The following THOP1 variants were observed in gnomAD, a reference collection of about 807,000 sequenced individuals.
The protein encoded by THOP1 is thimet oligopeptidase.
THOP1 carries 49 observed loss-of-function variants against 71.8 expected under a neutral mutation model. The observed-to-expected ratio is 0.68, with a 90% CI of 0.54 to 0.87. The LOEUF is 0.87. Among genes scored for constraint, THOP1 ranks in the 40% least tolerant of loss-of-function variants. The pLI is 0.00. For missense variants in THOP1, 843 were observed against 975.6 expected, an observed-to-expected ratio of 0.86 and a Z score of 1.81; for synonymous variants, 426 against 421.5, an observed-to-expected ratio of 1.01 and a Z score of -0.13.
At chr19:2,810,794 C>T (rs1262801406) in intron 11 of THOP1, 26 bp downstream of exon 11, 1 of 1,590,700 alleles carries the variant, frequency 6.3e-7, no homozygotes, top group South Asian at 1.1e-5. Flanking sequence ...CCGGGCACAC[C>T]CTGGAATTTG....
intron 12 of THOP1, 61 bp from the exon 13 acceptor site, chr19:2,813,054 G>T: frequency 1.3e-6 from 2 of 1,529,002 alleles, no homozygotes; most frequent in East Asian, 2.4e-5. Context: ...GCAGACTCCT[G>T]GGGTCCTCTG....
chr19:2,806,685 G>C lies in THOP1; in HGVS notation c.751-232G>C, dbSNP rs564901532. On this transcript the variant is annotated intron_variant, in intron 6 of 12. Transcript: ENST00000307741. ...GCCCCTGGTCCCCATACCACGTTCC[G>C]TGTGAGGCCTTAGAGTCATCTGCAC... 4 of 620,976 alleles carry C rather than the reference G, an allele frequency of 6.4e-6. 1 individual carries two copies. Among genetic ancestry groups the C allele is most frequent in the African/African-American group, 3.7e-5 (2 of 53,352 alleles). 38.5% of individuals were successfully genotyped at this position (620,976 alleles called of 1,614,324 possible).
chr19:2,803,418 T>A (rs533871391), intron 5 of THOP1, among the ~76,000 whole-genome samples: 53 of 152,294 alleles, frequency 3.5e-4, no homozygotes, highest in African/African-American at 1.3e-3. Flanking sequence ...ACAGTGAACG[T>A]GAACTATGCA....
chr19:2,785,794 C>G, intron 1 of THOP1, 116 bp downstream of exon 1: 1 of 1,034,556 alleles, frequency 9.7e-7, no homozygotes, highest in East Asian at 3.2e-5. Context: ...CTCGGCCGGG[C>G]TGGAGGGGCA....
At position 2,813,290 on chromosome 19, in the gene THOP1, GA is replaced by G. The variant is rs1916532092; in HGVS notation, c.*15del. On this transcript the variant is annotated 3_prime_UTR_variant, in exon 13 of 13. Transcript: ENST00000307741. ...CAGGTCTGCTGAGGCCTGGCACTGC[GA>G]CTGCCCAGTCTGGCCTGCGCTCCCG... is the stretch of plus-strand genomic sequence containing the variant. 1 of 1,601,954 alleles carries G rather than the reference GA, an allele frequency of 6.2e-7. No homozygotes were observed.
rs550767741 is a variant in THOP1, at chr19:2,786,765, A to ATT, written c.16+1101_16+1102dup. Among the ~76,000 whole-genome samples, 12 of 101,186 alleles carry ATT rather than the reference A, an allele frequency of 1.2e-4. 1 individual carries two copies. The highest frequency in any genetic ancestry group is 3.7e-4 in the African/African-American group (7 of 19,160). The allele number at this position is 101,186 out of a possible 152,430, so 66.4% of individuals were successfully genotyped here. The stretch of plus-strand genomic sequence containing the variant: ...AGGCGCCCACCACCACACCTGGCTA[A>ATT]TTTTTTTTTTTTTTTGGAGATAGAG... On this transcript the variant is annotated intron_variant, in intron 1 of 12. Transcript: ENST00000307741.
At chr19:2,791,959 AGCCGGCCCCTCGCGCCCCTC>A (rs1299022837) in intron 2 of THOP1, among the ~76,000 whole-genome samples, 6 of 152,062 alleles carry the variant, frequency 3.9e-5, no homozygotes, top group Middle Eastern at 3.2e-3. Flanking sequence ...GGGCCTCTCC[AGCCGGCCCCTCGCGCCCCTC>A]GCCCTGTGCT....
rs980581687 is a variant in THOP1, at chr19:2,804,185, C to T, written c.590-831C>T. Reference sequence around the variant, plus strand: ...GAGGCACGGTGGCCCTGGCGTCTCCCGAGCCATGAGGTAGGAACCCCAGAG... The same window carrying T: ...GAGGCACGGTGGCCCTGGCGTCTCCTGAGCCATGAGGTAGGAACCCCAGAG... On this transcript the variant is annotated intron_variant, in intron 5 of 12. Transcript: ENST00000307741. This position sits in a 1 kb window ranked among gnomAD's most constrained non-coding sequence, Gnocchi z 4.7. Among the ~76,000 whole-genome samples the T allele has an allele frequency of 7.2e-5, 11 of 152,154 alleles. No homozygotes were observed. Among genetic ancestry groups the T allele is most frequent in the African/African-American group, 2.4e-4 (10 of 41,434 alleles).
Position 2,792,634 on chromosome 19 carries a change from T to C in THOP1, c.229+2001T>C, listed in dbSNP as rs548213408. 2.6e-5 allele frequency among the ~76,000 whole-genome samples: 4 copies of C among 152,008 alleles called. No individual in the cohort carries two copies. In the South Asian group the frequency reaches 8.3e-4, roughly 32 times the overall value. On this transcript the variant is annotated intron_variant, in intron 2 of 12. Coordinates refer to ENST00000307741, the MANE Select transcript of THOP1 (RefSeq NM_003249.5). ...ATATGCTTTTTTTTAAAAAAAATTA[T>C]TATTATTAGGGTTTTTTTTTGTTTG...
intron 4 of THOP1, among the ~76,000 whole-genome samples, chr19:2,798,579 G>T (rs1393884352): frequency 6.6e-6 from 1 of 152,254 alleles, no homozygotes; most frequent in African/African-American, 2.4e-5. Context: ...GGCATGGCTG[G>T]GTTTGTTATG....
At chr19:2,803,925 T>G (rs1359910865) in intron 5 of THOP1, among the ~76,000 whole-genome samples, 1 of 151,688 alleles carries the variant, frequency 6.6e-6, no homozygotes, top group Non-Finnish European at 1.5e-5. Context: ...TTTCCACCCC[T>G]ACTGCCCTGG....
chr19:2,789,162 G>C (rs1204965709), intron 1 of THOP1, among the ~76,000 whole-genome samples: 2 of 152,214 alleles, frequency 1.3e-5, no homozygotes, highest in Non-Finnish European at 2.9e-5. Context: ...GCCCTTTGCA[G>C]AACTGTTTGT....
chr19:2,788,726 G>A (rs1213844880), intron 1 of THOP1, among the ~76,000 whole-genome samples: 4 of 152,204 alleles, frequency 2.6e-5, no homozygotes, highest in Non-Finnish European at 4.4e-5. Context: ...TGATCCACCC[G>A]CCTTGGCCTC....
At chr19:2,810,913 G>A (rs970249378) in intron 11 of THOP1, 145 bp downstream of exon 11, 7 of 1,323,842 alleles carry the variant, frequency 5.3e-6, no homozygotes, top group East Asian at 5.1e-5. Flanking sequence ...CAGGCTCCTC[G>A]GGGGACAGCC....
At chr19:2,786,292 C>T (rs760432046) in intron 1 of THOP1, among the ~76,000 whole-genome samples, 74 of 152,268 alleles carry the variant, frequency 4.9e-4, no homozygotes, top group Non-Finnish European at 8.4e-4. Context: ...GTCTCCCAAG[C>T]GGGAGTGCAG....
intron 1 of THOP1, among the ~76,000 whole-genome samples, chr19:2,788,559 C>G (rs1440112675): frequency 6.6e-6 from 1 of 152,078 alleles, no homozygotes; most frequent in East Asian, 1.9e-4. Flanking sequence ...GCTCACTGCA[C>G]CCTCCACCTC....
rs1309284222 is a variant in THOP1 at position 2,810,598 on chromosome 19, G to A, written c.1643-42G>A. 26 of 1,538,354 alleles carry A rather than the reference G, an allele frequency of 1.7e-5. No individual in the cohort carries two copies. The East Asian group carries it at 6.4e-4, about 38-fold the overall frequency. ...TCGGAGCTCTGGGCAGAGTGGGCCGGGGCAGGTGCAGAGGCCAGCTCTCTC... is the reference window on the plus strand; with the variant it reads ...TCGGAGCTCTGGGCAGAGTGGGCCGAGGCAGGTGCAGAGGCCAGCTCTCTC... On this transcript the variant is annotated intron_variant, in intron 10 of 12. Transcript: ENST00000307741.
At chr19:2,807,303 C>T in intron 7 of THOP1, 139 bp from the exon 8 acceptor site, 1 of 1,364,752 alleles carries the variant, frequency 7.3e-7, no homozygotes, top group Non-Finnish European at 9.7e-7. Context: ...GGATGCTCGG[C>T]CCCTCGAGGG....
Position 2,785,670 on chromosome 19 carries a change from C to T in THOP1, c.8C>T (p.Pro3Leu), listed in dbSNP as rs1328730571. The change falls in exon 1 of 13, where the codon CCC becomes CTC. Residue 3 changes from proline (P) to leucine (L), a missense_variant. Coordinates refer to ENST00000307741, the MANE Select transcript of THOP1 (RefSeq NM_003249.5). Reference protein sequence around the residue: MKPPAACAGDMAD... With the variant: MKLPAACAGDMAD... ...GGCGCAGACCCACCCGCCATGAAGC[C>T]CCCCGCAGGTACCGACTACCCCGCT... The T allele has an allele frequency of 1.3e-6, 2 of 1,501,034 alleles. No homozygotes were observed. Among genetic ancestry groups the T allele is most frequent in the African/African-American group, 1.4e-5 (1 of 69,576 alleles). The allele number at this position is 1,501,034 out of a possible 1,614,324, so 93.0% of individuals were successfully genotyped here. A position where few individuals can be genotyped will look rare whatever the true frequency, so the allele number is the denominator to read the frequency against.
Sources: allele counts gnomAD v4.1 joint callset (sites outside exome capture counted in the v4.1 genomes callset), GRCh38; gene constraint gnomAD v4.1.1; non-coding constraint Gnocchi (gnomAD v3.1); transcripts MANE v1.5; gene names NCBI Gene and HGNC (gene_info 2026-07-23, HGNC 2026-07-21).